The following MOCOS variants were observed in gnomAD, a reference collection of about 807,000 sequenced individuals.
MOCOS encodes the protein human molybdenum cofactor sulfurase.
Under a neutral mutation model 83.6 loss-of-function variants are expected in MOCOS, and 86 were observed. The ratio of observed to expected loss-of-function variants is 1.03; its 90% CI spans 0.86 to 1.23. The LOEUF is 1.23. MOCOS is among the 50% of genes most tolerant of loss of function. The probability of loss-of-function intolerance (pLI) is 0.00; values close to 1 mark genes in which losing one functional copy is unlikely to be tolerated. For synonymous variants in MOCOS, 445 were observed against 434.7 expected (o/e 1.02, Z -0.29); for missense variants, 1,120 against 1,126.9 (o/e 0.99, Z 0.09).
Position 36,215,909 on chromosome 18 carries a change from G to A in MOCOS, c.1729G>A (p.Gly577Arg), listed in dbSNP as rs763154653. The A allele has an allele frequency of 6.2e-7, 1 of 1,613,826 alleles. No homozygotes were observed. The highest frequency in any genetic ancestry group is 2.2e-5 in the East Asian group (1 of 44,884). ...PSEKAAGVLE[G>R]ALGPHVVTNL... ...AGAGAAAGCTGCAGGAGTCCTGGAG[G>A]GGGCCCTTGGGCCACATGTTGTCAC... is the stretch of plus-strand genomic sequence containing the variant. Residue 577 changes from glycine to arginine, a missense_variant, in exon 8 of 15, where the codon GGG becomes AGG. By Grantham distance (125) the Gly-to-Arg change is moderately radical. Coordinates refer to ENST00000261326, the MANE Select transcript of MOCOS (RefSeq NM_017947.4).
intron 13 of MOCOS, among the ~76,000 whole-genome samples, chr18:36,262,249 CT>C (rs1246899707): frequency 0.011 from 23 of 2,086 alleles, no homozygotes; most frequent in Admixed American, 0.05. Context: ...TCGTCTCTCT[CT>C]ACACACACAC....
At chr18:36,262,754 C>T (rs895339361) in intron 13 of MOCOS, among the ~76,000 whole-genome samples, 11 of 152,300 alleles carry the variant, frequency 7.2e-5, no homozygotes, top group African/African-American at 2.4e-4. Context: ...TAGCCTCAGC[C>T]TCCCAGTGTT....
chr18:36,266,127 C>T (rs748044970), intron 13 of MOCOS, among the ~76,000 whole-genome samples: 10 of 152,056 alleles, frequency 6.6e-5, no homozygotes, highest in East Asian at 1.9e-4. Context: ...CAGGGGCCAG[C>T]GCTGGCTCTG....
At chr18:36,221,578 C>A (rs150062296) in intron 9 of MOCOS, among the ~76,000 whole-genome samples, 3 of 151,568 alleles carry the variant, frequency 2.0e-5, no homozygotes, top group Non-Finnish European at 4.4e-5. Context: ...TCCATATATT[C>A]ACGATTGTGT....
intron 14 of MOCOS, among the ~76,000 whole-genome samples, chr18:36,268,041 T>C (rs2091687354): frequency 6.6e-6 from 1 of 152,332 alleles, no homozygotes. Flanking sequence ...CTTGCATTGA[T>C]GGTTAACATT....
chr18:36,192,883 A>C (rs903371632), intron 1 of MOCOS, among the ~76,000 whole-genome samples: 2 of 152,122 alleles, frequency 1.3e-5, no homozygotes, highest in African/African-American at 2.4e-5. Flanking sequence ...TCCTGACCTC[A>C]GATGATCCAC....
chr18:36,231,102 G>T (rs567915026), intron 9 of MOCOS, among the ~76,000 whole-genome samples: 22 of 152,276 alleles, frequency 1.4e-4, no homozygotes, highest in African/African-American at 4.6e-4. Flanking sequence ...TCAGGCTAAA[G>T]TAGTTCTTTT....
At chr18:36,256,140 C>G (rs1207156896) in intron 11 of MOCOS, among the ~76,000 whole-genome samples, 1 of 152,160 alleles carries the variant, frequency 6.6e-6, no homozygotes, top group East Asian at 1.9e-4. Flanking sequence ...GATCCTCCTG[C>G]CTCGGCCTCC....
At chr18:36,256,643 T>C (rs544271889) in intron 11 of MOCOS, among the ~76,000 whole-genome samples, 150 of 152,056 alleles carry the variant, frequency 9.9e-4, no homozygotes, top group Admixed American at 2.8e-3. Context: ...AGAGACAGGG[T>C]TTCACCATGT....
At chr18:36,231,050 T>G (rs989816495) in intron 9 of MOCOS, among the ~76,000 whole-genome samples, 39 of 152,334 alleles carry the variant, frequency 2.6e-4, no homozygotes, top group African/African-American at 8.7e-4. Context: ...GTTTCAAAAA[T>G]AAGAATGATG....
Position 36,199,794 on chromosome 18 carries a change from C to T in MOCOS, c.411C>T (p.Gly137=). Residue 137 remains glycine (G), a synonymous_variant, in exon 4 of 15, where the codon GGC becomes GGT. Transcript: ENST00000261326. ...AGGCCTTTCCATGGGTGTCCCAGGG[C>T]CCAGAGAGCAGTGGGAGTCGCTTCT... ...VAEAFPWVSQ[G]PESSGSRFCY... 6.2e-7 allele frequency: 1 copy of T among 1,614,142 alleles called. No homozygotes were observed. The highest frequency in any genetic ancestry group is 8.5e-7 in the Non-Finnish European group (1 of 1,180,022).
chr18:36,224,027 T>G (rs1317339299), intron 9 of MOCOS, among the ~76,000 whole-genome samples: 2 of 151,938 alleles, frequency 1.3e-5, no homozygotes, highest in Non-Finnish European at 2.9e-5. Context: ...TATTGTACTC[T>G]TTTTTTTGTG....
chr18:36,239,601 C>T (rs1441313261), intron 9 of MOCOS, among the ~76,000 whole-genome samples: 2 of 145,880 alleles, frequency 1.4e-5, no homozygotes, highest in Admixed American at 1.4e-4. Flanking sequence ...GTGAATCTGA[C>T]AATTATGTGT....
intron 13 of MOCOS, among the ~76,000 whole-genome samples, chr18:36,266,020 T>C (rs191416794): frequency 5.8e-4 from 88 of 152,334 alleles, no homozygotes; most frequent in African/African-American, 2.0e-3. Flanking sequence ...TGACTGTGGT[T>C]GGGCTTCTCG....
chr18:36,193,378 A>ATATTGGCATAAG (rs2091374511), intron 1 of MOCOS, among the ~76,000 whole-genome samples: 2 of 145,768 alleles, frequency 1.4e-5, no homozygotes, highest in African/African-American at 5.0e-5. Flanking sequence ...GGACAGTGTG[A>ATATTGGCATAAG]TATTGGCATA....
intron 13 of MOCOS, among the ~76,000 whole-genome samples, chr18:36,265,886 C>T (rs2091680065): frequency 6.6e-6 from 1 of 152,050 alleles, no homozygotes; most frequent in Non-Finnish European, 1.5e-5. Context: ...AATTTTAATG[C>T]CTGAACCGTA....
chr18:36,256,107 G>C (rs1390468351), intron 11 of MOCOS, among the ~76,000 whole-genome samples: 1 of 152,012 alleles, frequency 6.6e-6, no homozygotes, highest in Non-Finnish European at 1.5e-5. Context: ...GGTCAGGCTG[G>C]TCTTGAACTC....
intron 13 of MOCOS, among the ~76,000 whole-genome samples, chr18:36,263,763 T>C (rs1410601863): frequency 1.3e-5 from 2 of 152,208 alleles, no homozygotes; most frequent in Non-Finnish European, 2.9e-5. Flanking sequence ...TTCTGTATTG[T>C]TTGACTTGTT....
intron 9 of MOCOS, among the ~76,000 whole-genome samples, chr18:36,235,290 A>C (rs1707288530): frequency 1.1e-5 from 1 of 93,144 alleles, no homozygotes; most frequent in Non-Finnish European, 2.1e-5. Flanking sequence ...CCCTCCCCCC[A>C]CCCACAACAG....
Sources: allele counts gnomAD v4.1 joint callset (sites outside exome capture counted in the v4.1 genomes callset), GRCh38; gene constraint gnomAD v4.1.1; transcripts MANE v1.5; gene names NCBI Gene and HGNC (gene_info 2026-07-23, HGNC 2026-07-21).